Variants in PCNX3 observed in about 807,000 individuals in gnomAD.
PCNX3 encodes the protein pecanex 3.
In PCNX3, 58 loss-of-function variants were observed where a neutral mutation model predicts 207.2. That is an observed-to-expected ratio of 0.28 (90% CI 0.23 to 0.35). PCNX3 has a LOEUF of 0.35. PCNX3 is among the 10% of genes least tolerant of loss of function. The probability of loss-of-function intolerance (pLI) is 1.00; values close to 1 mark genes in which losing one functional copy is unlikely to be tolerated. For synonymous variants in PCNX3, 1,337 were observed against 1,183.5 expected (o/e 1.13, Z -2.66); for missense variants, 2,410 against 2,774.4 (o/e 0.87, Z 2.95).
rs546720492 is a variant in PCNX3, at chr11:65,617,194, A to C, written c.342-56A>C. The C allele has an allele frequency of 2.6e-5, 39 of 1,487,336 alleles. 1 individual carries two copies. In the South Asian group the frequency reaches 4.3e-4, roughly 16 times the overall value. The allele number at this position is 1,487,336 out of a possible 1,614,324, so 92.1% of individuals were successfully genotyped here. ...AGAAGCAGTGACAAAGATGGGAGGAAGTAGCATACACAGAGGAGAGGTTAG... is the reference window on the plus strand; with the variant it reads ...AGAAGCAGTGACAAAGATGGGAGGACGTAGCATACACAGAGGAGAGGTTAG... On this transcript the variant is annotated intron_variant, in intron 2 of 34. Transcript: ENST00000355703.
Position 65,635,254 on chromosome 11 carries a change from G to A in PCNX3, c.4990G>A (p.Ala1664Thr), listed in dbSNP as rs1231142960. The change falls in exon 31 of 35, where the codon GCA becomes ACA. Residue 1664 changes from alanine (A) to threonine (T), a missense_variant. Ala to Thr is a moderately conservative substitution (Grantham distance 58). Transcript: ENST00000355703. This position sits in a 1 kb window ranked among gnomAD's most constrained non-coding sequence, Gnocchi z 9.9. ...FTSPDEYEEPAALYDAIAANE... is the reference protein window; with the variant it reads ...FTSPDEYEEPTALYDAIAANE... The stretch of plus-strand genomic sequence containing the variant: ...GTCCCCAGATGAATATGAGGAGCCA[G>A]CAGCCCTATACGATGCCATTGCGGC... 6.3e-7 allele frequency: 1 copy of A among 1,587,060 alleles called. No individual in the cohort carries two copies. Among genetic ancestry groups the A allele is most frequent in the Non-Finnish European group, 8.6e-7 (1 of 1,167,092 alleles).
chr11:65,624,459 C>T lies in PCNX3; in HGVS notation c.2717-12C>T, dbSNP rs199503685. On this transcript the variant is annotated splice_polypyrimidine_tract_variant and intron_variant, in intron 14 of 34. Coordinates refer to ENST00000355703, the MANE Select transcript of PCNX3 (RefSeq NM_032223.4). ...GCAGGCTGACCAGGCCTTCGTGTCC[C>T]CTCCCTGCCAGTGTTCACCCTGTGC... The T allele has an allele frequency of 4.0e-4, 638 of 1,581,672 alleles. 2 individuals carry two copies. In the African/African-American group the frequency reaches 7.3e-3, roughly 18 times the overall value.
chr11:65,635,497 C>A lies in PCNX3; in HGVS notation c.5185-32C>A. 1 of 1,606,856 alleles carries A rather than the reference C, an allele frequency of 6.2e-7. No homozygotes were observed. The highest frequency in any genetic ancestry group is 8.5e-7 in the Non-Finnish European group (1 of 1,177,842). On this transcript the variant is annotated intron_variant, in intron 31 of 34. Transcript: ENST00000355703. The surrounding 1 kb of genome is among the most constrained non-coding windows in gnomAD (Gnocchi z 9.9). ...AAGCCCTGCCCCAAACCCCCTTGGG[C>A]CGGCCCCCTGACCCTGGCGTGTGGC...
intron 22 of PCNX3, among the ~76,000 whole-genome samples, chr11:65,628,264 G>C (rs1199412681): frequency 6.6e-6 from 1 of 152,216 alleles, no homozygotes; most frequent in Admixed American, 6.5e-5. Context: ...TGACCTAGTG[G>C]CGTGACCTGA....
chr11:65,634,041 G>A, intron 27 of PCNX3, 85 bp from the exon 28 acceptor site: 2 of 1,254,936 alleles, frequency 1.6e-6, no homozygotes, highest in East Asian at 2.5e-5. Context: ...GCTCAGTCTT[G>A]GGGAGGAGCC....
intron 27 of PCNX3, among the ~76,000 whole-genome samples, chr11:65,631,209 C>T (rs1855604090): frequency 6.6e-6 from 1 of 152,168 alleles, no homozygotes; most frequent in Non-Finnish European, 1.5e-5. Context: ...GATCTTGAGA[C>T]CTCTTGGGGG....
Position 65,635,838 on chromosome 11 carries a change from G to C in PCNX3, c.5459+35G>C. On this transcript the variant is annotated intron_variant, in intron 32 of 34. Transcript: ENST00000355703. The surrounding 1 kb of genome is among the most constrained non-coding windows in gnomAD (Gnocchi z 9.9). ...CGGGAAGGGGTGACGTGTGGCGCGG[G>C]AGGAAGCTGAGGTGCAGTACGTCCC... The C allele has an allele frequency of 6.3e-7, 1 of 1,575,724 alleles. No individual in the cohort carries two copies. Among genetic ancestry groups the C allele is most frequent in the South Asian group, 1.2e-5 (1 of 86,008 alleles).
intron 14 of PCNX3, 29 bp downstream of exon 14, chr11:65,624,395 C>T (rs368121989): frequency 5.8e-6 from 9 of 1,551,768 alleles, no homozygotes; most frequent in East Asian, 2.4e-5. Context: ...TGAGGTGGCC[C>T]AGGAGAGTGA....
rs765222404 is a variant in PCNX3 at position 65,636,235 on chromosome 11, A to T, written c.5521A>T (p.Ser1841Cys). 2 of 1,583,646 alleles carry T rather than the reference A, an allele frequency of 1.3e-6. No homozygotes were observed. The highest frequency in any genetic ancestry group is 4.6e-5 in the East Asian group (2 of 43,232). The change falls in exon 33 of 35, where the codon AGT (serine) becomes TGT (cysteine). Residue 1841 changes from serine to cysteine, a missense_variant. Transcript: ENST00000355703. ...CGGGAACGTGGATGATTCAGACTGT[A>T]GTGGGGGCGGTGGCCTGACCTCCCT... ...SGGNVDDSDC[S>C]GGGGLTSLSN...
chr11:65,620,306 C>T (rs755495794), intron 8 of PCNX3, 33 bp from the exon 9 acceptor site: 33 of 1,590,232 alleles, frequency 2.1e-5, no homozygotes, highest in Non-Finnish European at 2.7e-5. Context: ...TCTGTCTCTG[C>T]CACGCTGCCT....
chr11:65,616,152 C>A lies in PCNX3; in HGVS notation c.-160C>A. 2.2e-6 allele frequency: 1 copy of A among 455,200 alleles called. No individual in the cohort carries two copies. The highest frequency in any genetic ancestry group is 3.6e-6 in the Non-Finnish European group (1 of 278,164). 28.2% of individuals were successfully genotyped at this position (455,200 alleles called of 1,614,324 possible). A position where few individuals can be genotyped will look rare whatever the true frequency, so the allele number is the denominator to read the frequency against. On this transcript the variant is annotated 5_prime_UTR_variant, in exon 1 of 35. Coordinates refer to ENST00000355703, the MANE Select transcript of PCNX3 (RefSeq NM_032223.4). The stretch of plus-strand genomic sequence containing the variant: ...GTCCCGGCCGGCCCCGCCCCCTGCT[C>A]GCACCCTCGCGCGGCCGAGCCCCCC...
chr11:65,616,453 T>C lies in PCNX3; in HGVS notation c.142T>C (p.Leu48=). The part of the protein sequence containing the change: ...VWIFLLIFPF[L]LYMVLPPSLM... ...GATCTTCCTGCTCATCTTTCCCTTC[T>C]TACTGTACATGGTGAGACGCCACGG... Residue 48 remains leucine, a synonymous_variant, in exon 1 of 35, where the codon TTA becomes CTA. Transcript: ENST00000355703. 3 of 1,607,472 alleles carry C rather than the reference T, an allele frequency of 1.9e-6. No individual in the cohort carries two copies. Among genetic ancestry groups the C allele is most frequent in the Non-Finnish European group, 2.5e-6 (3 of 1,179,096 alleles).
At chr11:65,617,870 C>T (rs1854831372) in intron 5 of PCNX3, 70 bp from the exon 6 acceptor site, 63 of 1,473,132 alleles carry the variant, frequency 4.3e-5, no homozygotes, top group Non-Finnish European at 5.5e-5. Flanking sequence ...GGGCATAAGA[C>T]CTCCCTTAAC....
At position 65,618,478 on chromosome 11, in the gene PCNX3, G is replaced by C. The variant is rs368665158; in HGVS notation, c.1116G>C (p.Pro372=). Residue 372 remains proline, a synonymous_variant, in exon 6 of 35, where the codon CCG becomes CCC. Transcript: ENST00000355703. ...CGGTCATTGGAGCAGGGACGCCACC[G>C]GGCCTGGCTGAGCCGCTCCTGGTCG... ...FDTVIGAGTP[P]GLAEPLLVVR... 1 of 1,608,488 alleles carries C rather than the reference G, an allele frequency of 6.2e-7. No homozygotes were observed. The highest frequency in any genetic ancestry group is 1.3e-5 in the African/African-American group (1 of 74,892).
chr11:65,625,272 C>T lies in PCNX3; in HGVS notation c.3021C>T (p.Thr1007=), dbSNP rs752266514. The T allele has an allele frequency of 8.1e-6, 13 of 1,607,884 alleles. No individual in the cohort carries two copies. The highest frequency in any genetic ancestry group is 2.7e-5 in the African/African-American group (2 of 74,848). Reference sequence around the variant, plus strand: ...TGAGCCGGCAGAGCAGCGACCCCACCGTGCTCTGGTGGGTGTGCTCCGGGT... The same window carrying T: ...TGAGCCGGCAGAGCAGCGACCCCACTGTGCTCTGGTGGGTGTGCTCCGGGT... ...YHLSRQSSDP[T]VLWSLIRSKL... The change falls in exon 17 of 35, where the codon ACC becomes ACT. Residue 1007 remains threonine, a synonymous_variant. Transcript: ENST00000355703. The surrounding 1 kb of genome is among the most constrained non-coding windows in gnomAD (Gnocchi z 5.6).
chr11:65,618,763 G>A lies in PCNX3; in HGVS notation c.1401G>A (p.Lys467=). 1.2e-6 allele frequency: 2 copies of A among 1,611,674 alleles called. No individual in the cohort carries two copies. Among genetic ancestry groups the A allele is most frequent in the African/African-American group, 1.3e-5 (1 of 75,028 alleles). The change falls in exon 6 of 35, where the codon AAG becomes AAA. Residue 467 remains lysine, a synonymous_variant. Coordinates refer to ENST00000355703, the MANE Select transcript of PCNX3 (RefSeq NM_032223.4). The part of the protein sequence containing the change: ...SSRGAAGGPR[K]RRAPHGAEEG... Reference sequence around the variant, plus strand: ...GGGGTGCAGCAGGGGGACCCCGGAAGCGGAGGGCCCCCCATGGGGCTGAGG... The same window carrying A: ...GGGGTGCAGCAGGGGGACCCCGGAAACGGAGGGCCCCCCATGGGGCTGAGG...
Position 65,617,248 on chromosome 11 carries a change from A to G in PCNX3, c.342-2A>G. 6.2e-7 allele frequency: 1 copy of G among 1,600,536 alleles called. No homozygotes were observed. Among genetic ancestry groups the G allele is most frequent in the Non-Finnish European group, 8.5e-7 (1 of 1,173,614 alleles). On this transcript the variant is annotated splice_acceptor_variant, in intron 2 of 34. Coordinates refer to ENST00000355703, the MANE Select transcript of PCNX3 (RefSeq NM_032223.4). LOFTEE classifies it high-confidence loss of function. ...AAAGCTGCTGCTCTTTTTCACCGCC[A>G]GGGACCCCGGAGTGGAGATGACAGT...
At chr11:65,620,517 C>G (rs933893825) in intron 9 of PCNX3, 88 bp downstream of exon 9, 1 of 1,437,168 alleles carries the variant, frequency 7.0e-7, no homozygotes, top group Non-Finnish European at 9.5e-7. Flanking sequence ...TGCTCTCTTC[C>G]TGCTGGGCTT....
intron 9 of PCNX3, 92 bp from the exon 10 acceptor site, chr11:65,620,739 A>G: frequency 2.0e-6 from 3 of 1,512,394 alleles, no homozygotes; most frequent in Non-Finnish European, 2.7e-6. Context: ...CGGCACAGAC[A>G]GCCCTACCTG....
Sources: allele counts gnomAD v4.1 joint callset (sites outside exome capture counted in the v4.1 genomes callset), GRCh38; gene constraint gnomAD v4.1.1; non-coding constraint Gnocchi (gnomAD v3.1); transcripts MANE v1.5; gene names NCBI Gene and HGNC (gene_info 2026-07-23, HGNC 2026-07-21).